PPIP5K2: variants seen among roughly 807,000 people sequenced by gnomAD.
PPIP5K2 encodes inositol hexakisphosphate and diphosphoinositol-pentakisphosphate kinase 2.
PPIP5K2 carries 105 observed loss-of-function variants against 154.6 expected under a neutral mutation model. That is an observed-to-expected ratio of 0.68 (90% confidence interval 0.58 to 0.80). PPIP5K2 has a LOEUF of 0.80. PPIP5K2 is among the 30% of genes least tolerant of loss of function. The pLI, the probability that PPIP5K2 is intolerant of heterozygous loss-of-function variation, is 0.00. For synonymous variants in PPIP5K2, 480 were observed against 490.3 expected, an observed-to-expected ratio of 0.98 and a Z score of 0.28; for missense variants, 992 against 1,504.6, an observed-to-expected ratio of 0.66 and a Z score of 5.64.
chr5:103,207,320 A>G lies in PPIP5K2; in HGVS notation c.*5686A>G, dbSNP rs982672070. On this transcript the variant is annotated 3_prime_UTR_variant, in exon 31 of 31. Transcript: ENST00000358359. ...GCAGTCAAAAATGTCTCCAGACATT[A>G]GTAAATGTCTTTTGTGAGGGAAGAA... 1.3e-5 allele frequency: 2 copies of G among 152,234 alleles called. No homozygotes were observed. The highest frequency in any genetic ancestry group is 2.4e-5 in the African/African-American group (1 of 41,470). The allele number at this position is 152,234 out of a possible 1,614,324, so 9.4% of individuals were successfully genotyped here.
intron 23 of PPIP5K2, among the ~76,000 whole-genome samples, chr5:103,178,186 T>C (rs567439253): frequency 6.6e-6 from 1 of 152,156 alleles, no homozygotes; most frequent in South Asian, 2.1e-4. Context: ...TTTGTTTAGA[T>C]TGTTTGAATT....
At position 103,133,594 on chromosome 5, in the gene PPIP5K2, G is replaced by A; in HGVS notation, c.256G>A (p.Glu86Lys). ...ATTTGAAGAGGAGGTTATTTTGAAT[G>A]AACCAGTGGAAAACTGGCCTTTATG... Reference protein sequence around the residue: ...VVFEEEVILNEPVENWPLCDC... With the variant: ...VVFEEEVILNKPVENWPLCDC... The change falls in exon 3 of 31, where the codon GAA becomes AAA. Residue 86 changes from glutamate (E) to lysine (K), a missense_variant. Around this residue, in one of 9 missense-constraint regions of PPIP5K2, gnomAD observed 153 missense variants for 200.4 expected, o/e 0.76. Transcript: ENST00000358359. 1.2e-6 allele frequency: 2 copies of A among 1,611,908 alleles called. No homozygotes were observed. Among genetic ancestry groups the A allele is most frequent in the Non-Finnish European group, 1.7e-6 (2 of 1,179,144 alleles).
intron 26 of PPIP5K2, among the ~76,000 whole-genome samples, chr5:103,185,883 C>T (rs1277833009): frequency 1.3e-5 from 2 of 150,072 alleles, no homozygotes; most frequent in African/African-American, 4.9e-5. Context: ...TATAGACATA[C>T]ATTAAAAATA....
intron 28 of PPIP5K2, among the ~76,000 whole-genome samples, chr5:103,189,755 T>C (rs1370164464): frequency 1.3e-5 from 2 of 152,090 alleles, no homozygotes; most frequent in Non-Finnish European, 2.9e-5. Flanking sequence ...TAACTGAGAA[T>C]TAGGCAGTTC....
chr5:103,168,517 A>C (rs1378043307), intron 19 of PPIP5K2, among the ~76,000 whole-genome samples: 1 of 151,762 alleles, frequency 6.6e-6, no homozygotes, highest in African/African-American at 2.4e-5. Context: ...TTTTTAGTAG[A>C]CTATATTTAT....
At position 103,173,187 on chromosome 5, in the gene PPIP5K2, G is replaced by C. The variant is rs1554219993; in HGVS notation, c.2319G>C (p.Glu773Asp). ...EYGITKAEKL[E>D]IAKGYCTPLV... Reference sequence around the variant, plus strand: ...GTATAACTAAAGCTGAAAAACTGGAGATTGCCAAAGGCTACTGTACTCCTC... The same window carrying C: ...GTATAACTAAAGCTGAAAAACTGGACATTGCCAAAGGCTACTGTACTCCTC... Residue 773 changes from glutamate (E) to aspartate (D), a missense_variant, in exon 20 of 31, where the codon GAG (glutamate) becomes GAC (aspartate). Glu to Asp is a conservative substitution (Grantham distance 45, BLOSUM62 2). This residue lies in a region of PPIP5K2 where 157 missense variants were observed against 281.2 expected (regional missense o/e 0.56). Transcript: ENST00000358359. 6.2e-7 allele frequency: 1 copy of C among 1,608,844 alleles called. No homozygotes were observed. Among genetic ancestry groups the C allele is most frequent in the Admixed American group, 1.7e-5 (1 of 59,134 alleles).
chr5:103,163,310 T>G (rs1417368844), intron 17 of PPIP5K2, among the ~76,000 whole-genome samples: 2 of 151,986 alleles, frequency 1.3e-5, no homozygotes, highest in East Asian at 3.8e-4. Context: ...AGAGTTCTTG[T>G]GCATCTTTGT....
intron 4 of PPIP5K2, among the ~76,000 whole-genome samples, chr5:103,137,272 C>G (rs1308063826): frequency 6.6e-6 from 1 of 151,530 alleles, no homozygotes; most frequent in Non-Finnish European, 1.5e-5. Flanking sequence ...CCGCCATTCT[C>G]CTGCCTCAGC....
At chr5:103,199,437 T>G (rs1802629777) in intron 30 of PPIP5K2, among the ~76,000 whole-genome samples, 1 of 152,128 alleles carries the variant, frequency 6.6e-6, no homozygotes, top group Non-Finnish European at 1.5e-5. Context: ...GTAGAAAATT[T>G]TTTATTTCAG....
rs781985240 is a variant in PPIP5K2, at chr5:103,201,564, C to T, written c.3662C>T (p.Ser1221Phe). 1.2e-6 allele frequency: 2 copies of T among 1,608,598 alleles called. No individual in the cohort carries two copies. The highest frequency in any genetic ancestry group is 1.7e-6 in the Non-Finnish European group (2 of 1,178,334). The change falls in exon 31 of 31, where the codon TCT becomes TTT. Residue 1221 changes from serine (S) to phenylalanine (F), a missense_variant. Physicochemically the swap from Ser to Phe is radical, Grantham distance 155. This residue lies in a region of PPIP5K2 where 131 missense variants were observed against 117.8 expected (regional missense o/e 1.11). Coordinates refer to ENST00000358359, the MANE Select transcript of PPIP5K2 (RefSeq NM_001276277.3). ...PSSAVVPNTS[S>F]RKKNITSKTE... ...AGTGCAGTTGTTCCTAATACCTCAT[C>T]TCGGAAAAAGAATATAACTAGCAAA...
At position 103,149,442 on chromosome 5, in the gene PPIP5K2, C is replaced by G. The variant is rs1404700704; in HGVS notation, c.906+129C>G. 6.5e-6 allele frequency: 5 copies of G among 765,532 alleles called. No individual in the cohort carries two copies. The African/African-American group carries it at 9.0e-5, about 14-fold the overall frequency. 47.4% of individuals were successfully genotyped at this position (765,532 alleles called of 1,614,324 possible). ...AAGTAATTAATACATCTGAATGGTTCATGTACTTTTCAAGGGATTCTTGTG... is the reference window on the plus strand; with the variant it reads ...AAGTAATTAATACATCTGAATGGTTGATGTACTTTTCAAGGGATTCTTGTG... On this transcript the variant is annotated intron_variant, in intron 8 of 30. Transcript: ENST00000358359.
chr5:103,186,483 C>T (rs782360114), intron 27 of PPIP5K2, 44 bp downstream of exon 27: 12 of 1,611,250 alleles, frequency 7.4e-6, no homozygotes, highest in Admixed American at 5.0e-5. Flanking sequence ...TACACCCATG[C>T]ACACACCCAT....
At position 103,141,763 on chromosome 5, in the gene PPIP5K2, A is replaced by G. The variant is rs184747189; in HGVS notation, c.487+3294A>G. On this transcript the variant is annotated intron_variant, in intron 5 of 30. Transcript: ENST00000358359. ...TGTGTTTACAAACCTTGAGCTAGAT[A>G]CAGAGTGCCGATTGGAGTATTTACA... is the stretch of plus-strand genomic sequence containing the variant. Among the ~76,000 whole-genome samples, 710 of 152,126 alleles carry G rather than the reference A, an allele frequency of 4.7e-3. 6 individuals carry two copies. The highest frequency in any genetic ancestry group is 0.015 in the African/African-American group (628 of 41,488).
intron 10 of PPIP5K2, 107 bp from the exon 11 acceptor site, chr5:103,153,741 T>C (rs1794985357): frequency 3.0e-6 from 2 of 655,768 alleles, no homozygotes; most frequent in Non-Finnish European, 5.2e-6. Flanking sequence ...GATCTTGAAG[T>C]GGTAAAAGAT....
At chr5:103,166,331 C>T (rs544336509) in intron 17 of PPIP5K2, among the ~76,000 whole-genome samples, 1 of 152,116 alleles carries the variant, frequency 6.6e-6, no homozygotes, top group Admixed American at 6.6e-5. Context: ...CATGACAATG[C>T]TCCTGCTTAT....
In PPIP5K2 at chr5:103,201,746, T is replaced by G; in HGVS notation, c.*112T>G. The stretch of plus-strand genomic sequence containing the variant: ...AATGTTTTTAAATCTAAGGTTTTCT[T>G]TGTTTATGTTCAGGTAAGGAACTGT... On this transcript the variant is annotated 3_prime_UTR_variant, in exon 31 of 31. Transcript: ENST00000358359. The G allele has an allele frequency of 2.5e-6, 2 of 796,284 alleles. No individual in the cohort carries two copies. The highest frequency in any genetic ancestry group is 4.0e-6 in the Non-Finnish European group (2 of 501,380). 49.3% of individuals were successfully genotyped at this position (796,284 alleles called of 1,614,324 possible). A position where few individuals can be genotyped will look rare whatever the true frequency, so the allele number is the denominator to read the frequency against.
chr5:103,169,481 T>C (rs782428607), intron 19 of PPIP5K2, among the ~76,000 whole-genome samples: 2 of 151,824 alleles, frequency 1.3e-5, no homozygotes, highest in Non-Finnish European at 2.9e-5. Flanking sequence ...GGAAAACCTA[T>C]AGATTTTGAA....
chr5:103,150,241 T>C (rs1365149019), intron 8 of PPIP5K2, among the ~76,000 whole-genome samples: 1 of 152,198 alleles, frequency 6.6e-6, no homozygotes, highest in East Asian at 1.9e-4. Context: ...ATGGAAGGAA[T>C]GTTAGCCTGT....
In PPIP5K2 at chr5:103,173,298, G is replaced by A. The variant is rs1798231806; in HGVS notation, c.2414+16G>A. On this transcript the variant is annotated intron_variant, in intron 20 of 30. Transcript: ENST00000358359. ...TTCATCCTGTGTAAGAAACTGTACT[G>A]GTTATTTAAATCTCTAGGCATCTAT... 1 of 1,593,772 alleles carries A rather than the reference G, an allele frequency of 6.3e-7. No homozygotes were observed. Among genetic ancestry groups the A allele is most frequent in the Non-Finnish European group, 8.5e-7 (1 of 1,173,048 alleles).
Sources: gnomAD v4.1 joint callset for allele counts (sites outside exome capture counted in the v4.1 genomes callset) on GRCh38, gnomAD v4.1.1 for gene constraint, gnomAD v4.1.1 regional missense constraint, MANE v1.5 for transcripts, NCBI Gene and HGNC (gene_info 2026-07-23, HGNC 2026-07-21) for gene names.